The following PLEKHA2 variants were observed in gnomAD, a reference collection of about 807,000 sequenced individuals.
The protein encoded by PLEKHA2 is pleckstrin homology domain-containing family A member 2.
In PLEKHA2, 28 loss-of-function variants were observed where a neutral mutation model predicts 53.2. That is an observed-to-expected ratio of 0.53 (90% CI 0.39 to 0.72). The LOEUF (loss-of-function observed/expected upper bound fraction) is 0.72, where lower values mean the gene tolerates loss of function less well. PLEKHA2 is among the 30% of genes least tolerant of loss of function. The probability of loss-of-function intolerance (pLI) is 0.00; values close to 1 mark genes in which losing one functional copy is unlikely to be tolerated. For missense variants in PLEKHA2, 426 were observed against 537.9 expected, an observed-to-expected ratio of 0.79 and a Z score of 2.06; for synonymous variants, 193 against 196.4, an observed-to-expected ratio of 0.98 and a Z score of 0.14.
rs148692366 is a variant in PLEKHA2, at chr8:38,962,198, C to T, written c.837+4812C>T. 7.8e-3 allele frequency among the ~76,000 whole-genome samples: 1,184 copies of T among 152,204 alleles called. 3 individuals are homozygous for T. Among genetic ancestry groups the T allele is most frequent in the Non-Finnish European group, 0.013 (900 of 68,008 alleles). On this transcript the variant is annotated intron_variant, in intron 10 of 11. Transcript: ENST00000617275. The stretch of plus-strand genomic sequence containing the variant: ...GCCAACTTGGGTTGTTTGCGAGCAG[C>T]CTGGTCCAGGCCGGGTGCAGTGGCT...
intron 2 of PLEKHA2, among the ~76,000 whole-genome samples, chr8:38,923,515 A>G (rs149200887): frequency 1.3e-5 from 2 of 152,022 alleles, no homozygotes; most frequent in South Asian, 2.1e-4. Flanking sequence ...CCTGTAGGTG[A>G]TCCTTACGTG....
At chr8:38,923,288 C>G (rs893433860) in intron 2 of PLEKHA2, among the ~76,000 whole-genome samples, 5 of 152,212 alleles carry the variant, frequency 3.3e-5, no homozygotes, top group Non-Finnish European at 7.3e-5. Context: ...GGCTCTGCCA[C>G]TAAGTTGATT....
chr8:38,938,537 C>T (rs772996807), intron 3 of PLEKHA2, among the ~76,000 whole-genome samples: 51 of 152,366 alleles, frequency 3.3e-4, no homozygotes, highest in Middle Eastern at 3.4e-3. Flanking sequence ...CGTGCCTGGC[C>T]GCTGACGAGC....
chr8:38,958,961 T>C (rs987441828), intron 10 of PLEKHA2, among the ~76,000 whole-genome samples: 4 of 152,084 alleles, frequency 2.6e-5, no homozygotes, highest in African/African-American at 7.2e-5. Flanking sequence ...AACGATTCCG[T>C]ATGACACTGT....
intron 10 of PLEKHA2, among the ~76,000 whole-genome samples, chr8:38,965,630 C>T (rs1244492610): frequency 6.6e-6 from 1 of 151,862 alleles, no homozygotes; most frequent in Non-Finnish European, 1.5e-5. Context: ...TTTTTTTAAC[C>T]TCCAAATACA....
intron 10 of PLEKHA2, among the ~76,000 whole-genome samples, chr8:38,962,921 C>T (rs770232233): frequency 3.9e-5 from 6 of 152,160 alleles, no homozygotes; most frequent in Admixed American, 6.5e-5. Context: ...TCTACACAAT[C>T]GTATGTGGCA....
At chr8:38,947,507 C>T (rs1481137976) in intron 5 of PLEKHA2, among the ~76,000 whole-genome samples, 5 of 152,140 alleles carry the variant, frequency 3.3e-5, no homozygotes, top group African/African-American at 1.2e-4. Flanking sequence ...CCTGTATTCC[C>T]AGCTACTTAG....
intron 1 of PLEKHA2, among the ~76,000 whole-genome samples, chr8:38,913,370 G>GAAAAAAAAAA (rs35218067): frequency 7.4e-6 from 1 of 134,402 alleles, no homozygotes; most frequent in Non-Finnish European, 1.6e-5. Context: ...TCTCAAAAAG[G>GAAAAAAAAAA]AAAAAAAAAA....
chr8:38,943,041 G>A (rs1027679907), intron 3 of PLEKHA2, among the ~76,000 whole-genome samples: 3 of 152,130 alleles, frequency 2.0e-5, no homozygotes, highest in Admixed American at 6.6e-5. Context: ...GTTCTGATTG[G>A]AATCCATGCA....
intron 3 of PLEKHA2, among the ~76,000 whole-genome samples, chr8:38,942,585 A>T (rs890938644): frequency 2.0e-5 from 3 of 152,196 alleles, no homozygotes; most frequent in African/African-American, 7.2e-5. Flanking sequence ...CTGTGACATC[A>T]TGTGAATAGT....
At position 38,971,151 on chromosome 8, in the gene PLEKHA2, T is replaced by A. The variant is rs1364283099; in HGVS notation, c.*1368T>A. On this transcript the variant is annotated 3_prime_UTR_variant, in exon 12 of 12. Coordinates refer to ENST00000617275, the MANE Select transcript of PLEKHA2 (RefSeq NM_021623.2). ...TTTGTGGCTTGAGGGGAATCATGTT[T>A]CTTTCAGGACGTGTTGTTTCCCTGA... 1 of 152,248 alleles carries A rather than the reference T, an allele frequency of 6.6e-6. No homozygotes were observed. Among genetic ancestry groups the A allele is most frequent in the Non-Finnish European group, 1.5e-5 (1 of 68,040 alleles). 9.4% of individuals were successfully genotyped at this position (152,248 alleles called of 1,614,324 possible). A position where few individuals can be genotyped will look rare whatever the true frequency, so the allele number is the denominator to read the frequency against.
Position 38,950,846 on chromosome 8 carries a change from C to T in PLEKHA2, c.346-4C>T. 6.2e-7 allele frequency: 1 copy of T among 1,612,386 alleles called. No homozygotes were observed. Among genetic ancestry groups the T allele is most frequent in the Non-Finnish European group, 8.5e-7 (1 of 1,178,782 alleles). On this transcript the variant is annotated splice_polypyrimidine_tract_variant and splice_region_variant and intron_variant, in intron 5 of 11. Transcript: ENST00000617275. ...CCATTGATTGTTGCTGCCGCTCACC[C>T]CAGGTTCCCAAAGGTGGGGGCCTAC...
At chr8:38,943,960 G>A (rs962424902) in intron 4 of PLEKHA2, 123 bp downstream of exon 4, 27 of 698,936 alleles carry the variant, frequency 3.9e-5, no homozygotes, top group Non-Finnish European at 4.8e-5. Flanking sequence ...TTAAATCACA[G>A]TGACGGTCCT....
At chr8:38,955,775 A>G (rs1442664193) in intron 9 of PLEKHA2, among the ~76,000 whole-genome samples, 1 of 152,190 alleles carries the variant, frequency 6.6e-6, no homozygotes, top group African/African-American at 2.4e-5. Context: ...CTTGGCATAT[A>G]ACACACAATC....
chr8:38,952,183 G>T lies in PLEKHA2; in HGVS notation c.504G>T (p.Gln168His). ...CCTTGCAGAACGGTGGGGATGGGCA[G>T]GAAGGGAGTGAGCCCGGGTCCCACA... ...TPISQNGGDG[Q>H]EGSEPGSHTI... The change falls in exon 7 of 12, where the codon CAG becomes CAT. Residue 168 changes from glutamine to histidine, a missense_variant. Transcript: ENST00000617275. 1 of 1,613,232 alleles carries T rather than the reference G, an allele frequency of 6.2e-7. No homozygotes were observed. The highest frequency in any genetic ancestry group is 8.5e-7 in the Non-Finnish European group (1 of 1,179,648).
Position 38,952,212 on chromosome 8 carries a change from T to C in PLEKHA2, c.533T>C (p.Ile178Thr). 1 of 1,613,258 alleles carries C rather than the reference T, an allele frequency of 6.2e-7. No individual in the cohort carries two copies. The highest frequency in any genetic ancestry group is 2.2e-5 in the East Asian group (1 of 44,864). The change falls in exon 7 of 12, where the codon ATC (isoleucine) becomes ACC (threonine). Residue 178 changes from isoleucine (I) to threonine (T), a missense_variant. Ile to Thr is a moderately conservative substitution (Grantham distance 89). Coordinates refer to ENST00000617275, the MANE Select transcript of PLEKHA2 (RefSeq NM_021623.2). ...QEGSEPGSHT[I>T]LRRSQSYIPT... Reference sequence around the variant, plus strand: ...GGGAGTGAGCCCGGGTCCCACACCATCCTTCGAAGGTCTCAGAGTTACATC... The same window carrying C: ...GGGAGTGAGCCCGGGTCCCACACCACCCTTCGAAGGTCTCAGAGTTACATC...
At chr8:38,945,488 C>A (rs961510307) in intron 4 of PLEKHA2, among the ~76,000 whole-genome samples, 2 of 152,146 alleles carry the variant, frequency 1.3e-5, no homozygotes, top group Non-Finnish European at 2.9e-5. Flanking sequence ...CATGCTCATT[C>A]TTCTATTTCT....
Position 38,928,048 on chromosome 8 carries a change from G to A in PLEKHA2, c.142-7946G>A, listed in dbSNP as rs185452485. 1.8e-3 allele frequency among the ~76,000 whole-genome samples: 272 copies of A among 152,178 alleles called. 2 individuals are homozygous for A. Among genetic ancestry groups the A allele is most frequent in the African/African-American group, 6.1e-3 (253 of 41,508 alleles). On this transcript the variant is annotated intron_variant, in intron 2 of 11. Coordinates refer to ENST00000617275, the MANE Select transcript of PLEKHA2 (RefSeq NM_021623.2). ...GGTGGAATTACTGACAGAGGCTGGG[G>A]AGGGGAGAGGGAAACCGATTAGAAA...
rs553621527 is a variant in PLEKHA2 at position 38,932,992 on chromosome 8, G to T, written c.142-3002G>T. On this transcript the variant is annotated intron_variant, in intron 2 of 11. Coordinates refer to ENST00000617275, the MANE Select transcript of PLEKHA2 (RefSeq NM_021623.2). The stretch of plus-strand genomic sequence containing the variant: ...CTCTCTGAACAGGGAGAGCTGCCAG[G>T]GAGGCCAGGACAGAGGGTGGAGCAG... 8.5e-5 allele frequency among the ~76,000 whole-genome samples: 13 copies of T among 152,306 alleles called. No homozygotes were observed. The South Asian group carries it at 2.7e-3, about 32-fold the overall frequency.
Sources: allele counts gnomAD v4.1 joint callset (sites outside exome capture counted in the v4.1 genomes callset), GRCh38; gene constraint gnomAD v4.1.1; transcripts MANE v1.5; gene names NCBI Gene and HGNC (gene_info 2026-07-23, HGNC 2026-07-21).